TBC1D5: variants seen among roughly 807,000 people sequenced by gnomAD.
TBC1D5 encodes the protein TBC1 domain family, member 5.
In TBC1D5, 75 loss-of-function variants were observed where a neutral mutation model predicts 100.3. That is an observed-to-expected ratio of 0.75 (90% CI 0.62 to 0.91). The LOEUF is 0.91. Ranked by LOEUF, TBC1D5 falls within the 40% of genes least tolerant of loss-of-function variation. TBC1D5 has a pLI of 0.00. For synonymous variants in TBC1D5, 323 were observed against 325.6 expected (o/e 0.99, Z 0.09); for missense variants, 910 against 942.4 (o/e 0.97, Z 0.45).
chr3:17,734,729 T>C (rs2076825912), intron 1 of TBC1D5, among the ~76,000 whole-genome samples: 1 of 152,294 alleles, frequency 6.6e-6, no homozygotes, highest in South Asian at 2.1e-4. Context: ...AATGGCTTTG[T>C]TGTAAAGGGT....
At chr3:17,471,345 G>A (rs2095369946) in intron 3 of TBC1D5, among the ~76,000 whole-genome samples, 1 of 152,122 alleles carries the variant, frequency 6.6e-6, no homozygotes, top group African/African-American at 2.4e-5. Flanking sequence ...TAATGAAATG[G>A]TATTAGTATT....
In TBC1D5 at chr3:17,587,439, C is replaced by T. The variant is rs551887097; in HGVS notation, c.-36+36410G>A. Among the ~76,000 whole-genome samples, 374 of 152,012 alleles carry T rather than the reference C, an allele frequency of 2.5e-3. 2 individuals are homozygous for T. Among genetic ancestry groups the T allele is most frequent in the African/African-American group, 8.4e-3 (347 of 41,528 alleles). The stretch of plus-strand genomic sequence containing the variant: ...AACATGAAACTGAAAAACATGACAA[C>T]AGATTCCAACTGAAATTTACTGAGA... On this transcript the variant is annotated intron_variant, in intron 2 of 21. Coordinates refer to ENST00000253692, the Ensembl canonical transcript of TBC1D5.
intron 8 of TBC1D5, among the ~76,000 whole-genome samples, chr3:17,393,930 T>G (rs958633344): frequency 6.6e-6 from 1 of 152,132 alleles, no homozygotes; most frequent in African/African-American, 2.4e-5. Context: ...ACTTCATGAC[T>G]AATACACCAA....
At chr3:17,463,768 T>C (rs899775280) in intron 3 of TBC1D5, among the ~76,000 whole-genome samples, 2 of 152,100 alleles carry the variant, frequency 1.3e-5, no homozygotes, top group African/African-American at 2.4e-5. Context: ...CTGAAACAAA[T>C]ATATAAACAA....
intron 2 of TBC1D5, among the ~76,000 whole-genome samples, chr3:17,580,289 A>AT (rs1271163600): frequency 2.0e-5 from 3 of 151,672 alleles, no homozygotes; most frequent in African/African-American, 7.3e-5. Context: ...CATTAACAGA[A>AT]TTTTTTTTTA....
At chr3:17,710,992 C>T (rs2074676927) in intron 1 of TBC1D5, among the ~76,000 whole-genome samples, 1 of 152,132 alleles carries the variant, frequency 6.6e-6, no homozygotes. Flanking sequence ...CCACCATACA[C>T]GGTCTGTTTT....
At chr3:17,695,377 G>C (rs1427662723) in intron 1 of TBC1D5, among the ~76,000 whole-genome samples, 2 of 152,040 alleles carry the variant, frequency 1.3e-5, no homozygotes, top group African/African-American at 4.8e-5. Flanking sequence ...ACGCACATAG[G>C]CTAAAAATAA....
chr3:17,563,456 G>C (rs2096572546), intron 2 of TBC1D5, among the ~76,000 whole-genome samples: 2 of 152,192 alleles, frequency 1.3e-5, no homozygotes, highest in Admixed American at 6.5e-5. Context: ...GGAAAATCAG[G>C]AAGGTATAAT....
At chr3:17,159,187 T>C (rs2065832811) in exon 22 of TBC1D5, 1 of 152,178 alleles carries the variant, frequency 6.6e-6, no homozygotes, top group Admixed American at 6.5e-5. Context: ...AAACCAGTTA[T>C]TATTCACCTT....
At chr3:17,500,296 CT>C (rs1389585810) in intron 3 of TBC1D5, among the ~76,000 whole-genome samples, 7 of 147,582 alleles carry the variant, frequency 4.7e-5, no homozygotes, top group Admixed American at 4.7e-4. Context: ...GACCAGAGGA[CT>C]TTTTTTTTCA....
chr3:17,712,156 TGA>T (rs2074802177), intron 1 of TBC1D5, among the ~76,000 whole-genome samples: 1 of 152,156 alleles, frequency 6.6e-6, no homozygotes, highest in Non-Finnish European at 1.5e-5. Context: ...CTTCTCTCGG[TGA>T]AATCATTACC....
chr3:17,670,860 A>G (rs1233574131), intron 1 of TBC1D5, among the ~76,000 whole-genome samples: 4 of 152,208 alleles, frequency 2.6e-5, no homozygotes, highest in African/African-American at 7.2e-5. Context: ...CAACCTAAAT[A>G]AACTTTACAC....
intron 17 of TBC1D5, among the ~76,000 whole-genome samples, chr3:17,219,560 C>A (rs2074050482): frequency 6.6e-6 from 1 of 151,452 alleles, no homozygotes; most frequent in South Asian, 2.1e-4. Context: ...GGAATCAGAT[C>A]CTATTCCACC....
At chr3:17,541,779 G>C (rs2153423504) in intron 2 of TBC1D5, among the ~76,000 whole-genome samples, 2 of 152,242 alleles carry the variant, frequency 1.3e-5, no homozygotes, top group African/African-American at 4.8e-5. Context: ...TAAAGAAAAA[G>C]TTTTCAGTCT....
At chr3:17,542,204 T>C (rs953233719) in intron 2 of TBC1D5, among the ~76,000 whole-genome samples, 3 of 152,036 alleles carry the variant, frequency 2.0e-5, no homozygotes, top group African/African-American at 7.2e-5. Flanking sequence ...GCAGGGAGGA[T>C]CACTTGAGCC....
intron 3 of TBC1D5, among the ~76,000 whole-genome samples, chr3:17,493,434 GA>G (rs2095663868): frequency 1.3e-5 from 2 of 151,950 alleles, no homozygotes; most frequent in Admixed American, 6.6e-5. Flanking sequence ...ATCTTCTCAG[GA>G]AATATCTTCT....
intron 2 of TBC1D5, among the ~76,000 whole-genome samples, chr3:17,597,837 G>C (rs1207731179): frequency 6.6e-6 from 1 of 152,116 alleles, no homozygotes; most frequent in African/African-American, 2.4e-5. Context: ...CATGTATAAT[G>C]TAAAACGAGA....
chr3:17,700,551 A>T (rs1203536141), intron 1 of TBC1D5, among the ~76,000 whole-genome samples: 1 of 152,214 alleles, frequency 6.6e-6, no homozygotes, highest in Admixed American at 6.5e-5. Flanking sequence ...CAACCTACAG[A>T]ATAGGAGAAA....
chr3:17,393,914 A>G (rs1245163809), intron 8 of TBC1D5, among the ~76,000 whole-genome samples: 3 of 152,164 alleles, frequency 2.0e-5, no homozygotes, highest in African/African-American at 7.2e-5. Flanking sequence ...ACAGGCATGG[A>G]CAAAGACTTC....
Sources: allele counts gnomAD v4.1 joint callset (sites outside exome capture counted in the v4.1 genomes callset), GRCh38; gene constraint gnomAD v4.1.1; transcripts MANE v1.5; gene names NCBI Gene and HGNC (gene_info 2026-07-23, HGNC 2026-07-21).